The following ZNF280D variants were observed in gnomAD, a reference collection of about 807,000 sequenced individuals.
ZNF280D encodes suppressor of hairy wing homolog 4.
In ZNF280D, 39 loss-of-function variants were observed where a neutral mutation model predicts 94.7. The ratio of observed to expected loss-of-function variants is 0.41; its 90% CI spans 0.32 to 0.54. The LOEUF (loss-of-function observed/expected upper bound fraction) is 0.54. Among genes scored for constraint, ZNF280D ranks in the 20% least tolerant of loss-of-function variants. The pLI is 0.22. For synonymous variants in ZNF280D, 398 were observed against 377.6 expected (o/e 1.05, Z -0.63); for missense variants, 1,090 against 1,149.3 (o/e 0.95, Z 0.75).
At chr15:56,644,236 C>T (rs1281295999) in intron 19 of ZNF280D, among the ~76,000 whole-genome samples, 1 of 151,978 alleles carries the variant, frequency 6.6e-6, no homozygotes. Context: ...ACAAAAGACA[C>T]AAATGTCAAT....
At chr15:56,653,622 C>T in intron 19 of ZNF280D, 6 of 1,455,632 alleles carry the variant, frequency 4.1e-6, no homozygotes, top group Non-Finnish European at 4.5e-6. Flanking sequence ...AAAAATAGCA[C>T]AATGACAGAC....
chr15:56,667,169 A>C lies in ZNF280D; in HGVS notation c.1546-183T>G, dbSNP rs555155313. Among the ~76,000 whole-genome samples the C allele has an allele frequency of 2.0e-5, 3 of 152,290 alleles. No individual in the cohort carries two copies. The South Asian group carries it at 6.2e-4, about 32-fold the overall frequency. The stretch of plus-strand genomic sequence containing the variant: ...TTAAATGATATTAAACTTGATATTA[A>C]GTTGTAATATTACATTTTTGTATTG... On this transcript the variant is annotated intron_variant, in intron 14 of 21. Transcript: ENST00000267807.
At chr15:56,731,154 T>C (rs1174348660) in intron 1 of ZNF280D, among the ~76,000 whole-genome samples, 1 of 152,046 alleles carries the variant, frequency 6.6e-6, no homozygotes. Flanking sequence ...GGAGGAACTA[T>C]CACTAAAACA....
chr15:56,696,218 G>C (rs944967322), intron 6 of ZNF280D, among the ~76,000 whole-genome samples: 1 of 152,130 alleles, frequency 6.6e-6, no homozygotes, highest in African/African-American at 2.4e-5. Flanking sequence ...TTACTTCAAA[G>C]TAAACATTTT....
rs547388285 is a variant in ZNF280D, at chr15:56,731,741, A to G, written c.-86+1717T>C. Among the ~76,000 whole-genome samples, 3 of 152,342 alleles carry G rather than the reference A, an allele frequency of 2.0e-5. No homozygotes were observed. In the South Asian group the frequency reaches 6.2e-4, roughly 32 times the overall value. ...TAATGCACTTTGAAACGTTCAGAAA[A>G]CAGAATGTGAGATAAGTGGAAAAAT... On this transcript the variant is annotated intron_variant, in intron 1 of 21. Transcript: ENST00000267807.
At chr15:56,661,713 T>C (rs2053955976) in intron 16 of ZNF280D, among the ~76,000 whole-genome samples, 2 of 152,302 alleles carry the variant, frequency 1.3e-5, no homozygotes, top group South Asian at 4.1e-4. Context: ...TTTATCACAA[T>C]AACCTAGGTA....
chr15:56,673,014 T>C (rs2054972244), intron 13 of ZNF280D, among the ~76,000 whole-genome samples: 1 of 151,938 alleles, frequency 6.6e-6, no homozygotes, highest in Non-Finnish European at 1.5e-5. Context: ...TTCACTTATA[T>C]GTGCTCAAGG....
intron 4 of ZNF280D, among the ~76,000 whole-genome samples, chr15:56,703,012 C>T (rs996708312): frequency 6.6e-6 from 1 of 151,506 alleles, no homozygotes; most frequent in African/African-American, 2.4e-5. Context: ...TGGCTTCAAA[C>T]AAACAAGTAA....
chr15:56,707,105 C>T lies in ZNF280D; in HGVS notation c.5G>A (p.Gly2Asp). The T allele has an allele frequency of 6.2e-7, 1 of 1,613,884 alleles. No homozygotes were observed. Among genetic ancestry groups the T allele is most frequent in the Non-Finnish European group, 8.5e-7 (1 of 1,179,924 alleles). MGDNPFQPKSNS... is the reference protein window; with the variant it reads MDDNPFQPKSNS... ...ACTTTTTGGTTGAAAAGGGTTGTCGCCCATCAAGCTGCAGAGATGACTTTC... is the reference window on the plus strand; with the variant it reads ...ACTTTTTGGTTGAAAAGGGTTGTCGTCCATCAAGCTGCAGAGATGACTTTC... Residue 2 changes from glycine to aspartate, a missense_variant, in exon 3 of 22, where the codon GGC (glycine) becomes GAC (aspartate). Around this residue, in one of 3 missense-constraint regions of ZNF280D, gnomAD observed 386 missense variants for 372.0 expected, o/e 1.04. Coordinates refer to ENST00000267807, the MANE Select transcript of ZNF280D (RefSeq NM_017661.4).
At chr15:56,639,784 G>A (rs1278272839) in intron 20 of ZNF280D, among the ~76,000 whole-genome samples, 1 of 152,122 alleles carries the variant, frequency 6.6e-6, no homozygotes, top group African/African-American at 2.4e-5. Flanking sequence ...TCATCAAAAT[G>A]ATGAGTAAGC....
chr15:56,729,555 G>C (rs2058786537), intron 1 of ZNF280D, among the ~76,000 whole-genome samples: 1 of 152,184 alleles, frequency 6.6e-6, no homozygotes, highest in Non-Finnish European at 1.5e-5. Flanking sequence ...GACTACAGAA[G>C]TGACACATTC....
intron 20 of ZNF280D, among the ~76,000 whole-genome samples, chr15:56,639,824 C>G (rs2052537424): frequency 6.6e-6 from 1 of 152,034 alleles, no homozygotes; most frequent in African/African-American, 2.4e-5. Flanking sequence ...CATGGTTCAG[C>G]AAACAGGACA....
intron 11 of ZNF280D, 151 bp downstream of exon 11, chr15:56,678,513 A>G (rs1404640032): frequency 3.6e-6 from 2 of 560,784 alleles, no homozygotes; most frequent in Non-Finnish European, 5.8e-6. Flanking sequence ...TTAAAAGTTT[A>G]TCACAGTTAA....
Position 56,654,501 on chromosome 15 carries a change from C to A in ZNF280D, c.2060G>T (p.Gly687Val). The stretch of plus-strand genomic sequence containing the variant: ...ACAATTAAGGCACACTAGAGTAATG[C>A]CCCTAAAAAAAAAAGCATTAAAAAA... ...IFKKHSENLR[G>V]ITLVCLNCDF... The change falls in exon 18 of 22, where the codon GGC becomes GTC. Residue 687 changes from glycine to valine, a missense_variant and splice_region_variant. Physicochemically the swap from Gly to Val is moderately radical, Grantham distance 109. Coordinates refer to ENST00000267807, the MANE Select transcript of ZNF280D (RefSeq NM_017661.4). 2 of 1,566,664 alleles carry A rather than the reference C, an allele frequency of 1.3e-6. No homozygotes were observed. The highest frequency in any genetic ancestry group is 1.2e-5 in the South Asian group (1 of 82,916).
intron 9 of ZNF280D, among the ~76,000 whole-genome samples, chr15:56,682,746 C>T (rs78199139): frequency 0.019 from 2,914 of 152,042 alleles, 37 homozygotes; most frequent in Non-Finnish European, 0.033. Context: ...CAGCTTTACC[C>T]TTGCAATTTG....
At chr15:56,686,885 A>C (rs936330014) in intron 9 of ZNF280D, among the ~76,000 whole-genome samples, 5 of 152,168 alleles carry the variant, frequency 3.3e-5, no homozygotes, top group African/African-American at 1.2e-4. Context: ...TTTAAAGCTT[A>C]GTACTGTGTC....
In ZNF280D at chr15:56,654,471, A is replaced by G. The variant is rs2053408350; in HGVS notation, c.2090T>C (p.Phe697Ser). 1 of 1,609,144 alleles carries G rather than the reference A, an allele frequency of 6.2e-7. No individual in the cohort carries two copies. Among genetic ancestry groups the G allele is most frequent in the Non-Finnish European group, 8.5e-7 (1 of 1,178,642 alleles). The change falls in exon 18 of 22, where the codon TTC becomes TCC. Residue 697 changes from phenylalanine to serine, a missense_variant. Phe to Ser is a radical substitution (Grantham distance 155). This residue lies in a region of ZNF280D where 577 missense variants were observed against 568.8 expected (regional missense o/e 1.01). Coordinates refer to ENST00000267807, the MANE Select transcript of ZNF280D (RefSeq NM_017661.4). ...GITLVCLNCD[F>S]LSDVSGLDNM... ...ATCTAAGCCAGAAACATCACTTAGG[A>G]AATCACAATTAAGGCACACTAGAGT...
At chr15:56,666,316 T>C (rs2054281114) in intron 16 of ZNF280D, 79 bp downstream of exon 16, 15 of 1,503,970 alleles carry the variant, frequency 1.0e-5, no homozygotes, top group Non-Finnish European at 1.3e-5. Flanking sequence ...TGGCTTCTAA[T>C]AGGATAACTT....
rs28567518 is a variant in ZNF280D at position 56,632,918 on chromosome 15, A to G, written c.2316-796T>C. Among the ~76,000 whole-genome samples the G allele has an allele frequency of 3.4e-3, 513 of 152,190 alleles. 3 individuals carry two copies. The highest frequency in any genetic ancestry group is 7.6e-3 in the African/African-American group (314 of 41,542). ...AAAAAAAACACATGCCTGAAAAAGT[A>G]TATGTAAATATATAACATACATACA... On this transcript the variant is annotated intron_variant, in intron 21 of 21. Coordinates refer to ENST00000267807, the MANE Select transcript of ZNF280D (RefSeq NM_017661.4).
Sources: gnomAD v4.1 joint callset for allele counts (sites outside exome capture counted in the v4.1 genomes callset) on GRCh38, gnomAD v4.1.1 for gene constraint, gnomAD v4.1.1 regional missense constraint, MANE v1.5 for transcripts, NCBI Gene and HGNC (gene_info 2026-07-23, HGNC 2026-07-21) for gene names.